Variants in DMD observed in about 807,000 individuals in gnomAD.
DMD encodes mutant dystrophin.
A neutral mutation model predicts 330.1 loss-of-function variants in DMD; 63 were observed. The ratio of observed to expected loss-of-function variants is 0.19; its 90% CI spans 0.16 to 0.24. The LOEUF (loss-of-function observed/expected upper bound fraction) is 0.24, where lower values mean the gene tolerates loss of function less well. DMD is among the 10% of genes least tolerant of loss of function. The pLI is 1.00. For synonymous variants in DMD, 1,223 were observed against 959.8 expected, an observed-to-expected ratio of 1.27 and a Z score of -5.07; for missense variants, 3,344 against 2,684.1, an observed-to-expected ratio of 1.25 and a Z score of -5.43.
intron 1 of DMD, among the ~76,000 whole-genome samples, chrX:33,238,355 T>C (rs751099584): frequency 6.5e-4 from 73 of 112,132 alleles, no homozygotes; most frequent in African/African-American, 2.3e-3. Context: ...CAAGTGATAA[T>C]ACCTACATAA....
chrX:31,209,774 A>G, intron 64 of DMD, 75 bp from the exon 65 acceptor site: 1 of 974,263 alleles, frequency 1.0e-6, no homozygotes, highest in Non-Finnish European at 1.4e-6. Flanking sequence ...TCCTCTGAGA[A>G]TCCTAGCTAG....
intron 41 of DMD, among the ~76,000 whole-genome samples, chrX:32,320,690 T>C (rs941489896): frequency 8.9e-6 from 1 of 112,135 alleles, no homozygotes; most frequent in Non-Finnish European, 1.9e-5. Flanking sequence ...AGTTACCTAA[T>C]GAGCACTCAA....
chrX:31,315,744 C>A (rs1290819996), intron 62 of DMD, among the ~76,000 whole-genome samples: 1 of 112,124 alleles, frequency 8.9e-6, no homozygotes, highest in Non-Finnish European at 1.9e-5. Context: ...ATGTTGCCAC[C>A]TTTCCACATG....
At chrX:32,123,243 A>ATATATATATATATATATATAT (rs1491535545) in intron 44 of DMD, among the ~76,000 whole-genome samples, 32 of 82,864 alleles carry the variant, frequency 3.9e-4, no homozygotes, top group Non-Finnish European at 5.5e-4. Flanking sequence ...ATATATATAT[A>ATATATATATATATATATATAT]AATGATCAAA....
At chrX:31,993,454 T>C (rs2095563918) in intron 44 of DMD, among the ~76,000 whole-genome samples, 1 of 111,486 alleles carries the variant, frequency 9.0e-6, no homozygotes, top group East Asian at 2.8e-4. Context: ...ATCTTTTTAA[T>C]ACGCTAATGT....
At chrX:31,684,735 C>G (rs1193568659) in intron 52 of DMD, among the ~76,000 whole-genome samples, 4 of 112,189 alleles carry the variant, frequency 3.6e-5, no homozygotes, top group African/African-American at 9.7e-5. Context: ...GGAACAAATA[C>G]TGGGGAGCAG....
chrX:32,407,559 C>G (rs548705052), intron 30 of DMD, among the ~76,000 whole-genome samples: 94 of 110,824 alleles, frequency 8.5e-4, no homozygotes, highest in Middle Eastern at 4.6e-3. Context: ...GTGGAAGTCA[C>G]TGTGGCGATT....
intron 50 of DMD, among the ~76,000 whole-genome samples, chrX:31,781,621 C>A (rs6631393): frequency 0.24 from 26,731 of 109,820 alleles, 2,429 homozygotes; most frequent in African/African-American, 0.3. Flanking sequence ...TTTTAGTTGG[C>A]ATCATCTAAG....
chrX:31,132,450 C>G (rs1349834958), intron 77 of DMD, among the ~76,000 whole-genome samples: 1 of 111,445 alleles, frequency 9.0e-6, no homozygotes, highest in Non-Finnish European at 1.9e-5. Context: ...GAAGCAGAGT[C>G]ATGAGCCTTG....
At chrX:31,862,660 G>A (rs950831734) in intron 48 of DMD, among the ~76,000 whole-genome samples, 20 of 112,114 alleles carry the variant, frequency 1.8e-4, no homozygotes, top group African/African-American at 6.5e-4. Flanking sequence ...AATAACCTGC[G>A]TTATATTCTT....
At chrX:33,048,520 T>A (rs1240238207) in intron 1 of DMD, among the ~76,000 whole-genome samples, 1 of 107,856 alleles carries the variant, frequency 9.3e-6, no homozygotes, top group African/African-American at 3.4e-5. Flanking sequence ...TGAAATCCCG[T>A]CTCTACTAAA....
intron 41 of DMD, among the ~76,000 whole-genome samples, chrX:32,324,798 A>C (rs1168108547): frequency 8.9e-6 from 1 of 112,197 alleles, no homozygotes; most frequent in Non-Finnish European, 1.9e-5. Flanking sequence ...CGACAAGCTA[A>C]ATTTAATCCG....
intron 60 of DMD, among the ~76,000 whole-genome samples, chrX:31,412,659 G>T (rs925843568): frequency 2.7e-5 from 3 of 111,902 alleles, no homozygotes; most frequent in Admixed American, 1.9e-4. Context: ...GAGGACTTCG[G>T]ACTTAGTGAA....
At chrX:31,427,528 T>A (rs2063783565) in intron 60 of DMD, among the ~76,000 whole-genome samples, 1 of 111,994 alleles carries the variant, frequency 8.9e-6, no homozygotes, top group Non-Finnish European at 1.9e-5. Flanking sequence ...AATACTGAAC[T>A]GAACTTCATG....
At chrX:32,929,450 T>C (rs1410636607) in intron 2 of DMD, among the ~76,000 whole-genome samples, 3 of 110,184 alleles carry the variant, frequency 2.7e-5, no homozygotes, top group African/African-American at 9.9e-5. Flanking sequence ...CTCTCACTGT[T>C]CCTCTGGTTT....
chrX:31,479,302 A>T (rs2068063557), intron 57 of DMD, among the ~76,000 whole-genome samples, 199 bp from the exon 58 acceptor site: 1 of 111,856 alleles, frequency 8.9e-6, no homozygotes. Flanking sequence ...GTGTTTGTAA[A>T]GCTATTCTGG....
At chrX:32,646,973 A>G (rs762587955) in intron 9 of DMD, among the ~76,000 whole-genome samples, 7 of 110,692 alleles carry the variant, frequency 6.3e-5, no homozygotes, top group Non-Finnish European at 1.3e-4. Flanking sequence ...GGTTAGAACA[A>G]CTTCCATGGT....
At chrX:32,556,363 G>T (rs183487693) in intron 16 of DMD, among the ~76,000 whole-genome samples, 4 of 111,290 alleles carry the variant, frequency 3.6e-5, no homozygotes, top group South Asian at 3.9e-4. Flanking sequence ...TACACTCTTG[G>T]TGGGAGTGTA....
chrX:32,304,766 C>G (rs2097534630), intron 42 of DMD, among the ~76,000 whole-genome samples: 1 of 111,052 alleles, frequency 9.0e-6, no homozygotes. Flanking sequence ...TTGAAAAACT[C>G]AATTTTTCTA....
Sources: gnomAD v4.1 joint callset for allele counts (sites outside exome capture counted in the v4.1 genomes callset) on GRCh38, gnomAD v4.1.1 for gene constraint, MANE v1.5 for transcripts, NCBI Gene and HGNC (gene_info 2026-07-23, HGNC 2026-07-21) for gene names.